The following ZC3H6 variants were observed in gnomAD, a reference collection of about 807,000 sequenced individuals.
The protein encoded by ZC3H6 is zinc finger CCCH domain-containing protein 6.
A neutral mutation model predicts 107.7 loss-of-function variants in ZC3H6; 40 were observed. That is an observed-to-expected ratio of 0.37 (90% confidence interval 0.29 to 0.48). The LOEUF (loss-of-function observed/expected upper bound fraction) is 0.48, where lower values mean the gene tolerates loss of function less well. Ranked by LOEUF, ZC3H6 falls within the 20% of genes least tolerant of loss-of-function variation. The probability of loss-of-function intolerance (pLI) is 0.98; values close to 1 mark genes in which losing one functional copy is unlikely to be tolerated. For synonymous variants in ZC3H6, 493 were observed against 487.9 expected (o/e 1.01, Z -0.14); for missense variants, 1,267 against 1,410.4 (o/e 0.90, Z 1.63).
intron 1 of ZC3H6, among the ~76,000 whole-genome samples, chr2:112,296,700 CGTATCA>C (rs1461159167): frequency 1.1e-4 from 17 of 152,186 alleles, no homozygotes; most frequent in African/African-American, 4.1e-4. Context: ...ACTTTAGGGT[CGTATCA>C]TATGCCTCTT....
chr2:112,292,233 T>C (rs1399606271), intron 1 of ZC3H6, among the ~76,000 whole-genome samples: 1 of 152,206 alleles, frequency 6.6e-6, no homozygotes, highest in Non-Finnish European at 1.5e-5. Flanking sequence ...CCTCCCCTAT[T>C]TTCACCATCC....
chr2:112,332,360 C>A lies in ZC3H6; in HGVS notation c.3442C>A (p.Pro1148Thr), dbSNP rs371740992. 29 of 1,613,758 alleles carry A rather than the reference C, an allele frequency of 1.8e-5. No homozygotes were observed. The highest frequency in any genetic ancestry group is 2.4e-5 in the Non-Finnish European group (28 of 1,179,882). ...TGLIRPQYSD[P>T]RQARQPGQGS... Reference sequence around the variant, plus strand: ...CTTAATTAGGCCACAGTACAGTGATCCAAGGCAGGCAAGGCAGCCAGGACA... The same window carrying A: ...CTTAATTAGGCCACAGTACAGTGATACAAGGCAGGCAAGGCAGCCAGGACA... Residue 1148 changes from proline to threonine, a missense_variant, in exon 12 of 12, where the codon CCA becomes ACA. By Grantham distance (38) the Pro-to-Thr change is conservative (BLOSUM62 -1). Coordinates refer to ENST00000409871, the MANE Select transcript of ZC3H6 (RefSeq NM_198581.3).
chr2:112,326,111 G>A (rs1676902342), intron 11 of ZC3H6, among the ~76,000 whole-genome samples: 1 of 151,904 alleles, frequency 6.6e-6, no homozygotes, highest in Admixed American at 6.6e-5. Flanking sequence ...TATATTTATG[G>A]AGTACATGAG....
At chr2:112,317,185 T>C in intron 6 of ZC3H6, 36 bp from the exon 7 acceptor site, 1 of 1,153,994 alleles carries the variant, frequency 8.7e-7, no homozygotes, top group South Asian at 1.7e-5. Context: ...TTTCTTACCT[T>C]TTTTTCTTTT....
At chr2:112,288,712 G>C (rs1272187725) in intron 1 of ZC3H6, among the ~76,000 whole-genome samples, 2 of 152,196 alleles carry the variant, frequency 1.3e-5, no homozygotes, top group African/African-American at 4.8e-5. Context: ...GAAATCTTTT[G>C]TTGCTGGTTA....
In ZC3H6 at chr2:112,336,282, T is replaced by G. The variant is rs1448102821; in HGVS notation, c.*3794T>G. On this transcript the variant is annotated 3_prime_UTR_variant, in exon 12 of 12. Transcript: ENST00000409871. ...CCCTGATGTTTTTGGAGGGTTGGAC[T>G]GTGTTGAAGGCTGTACCTTGGTGGG... 6.6e-6 allele frequency: 1 copy of G among 152,240 alleles called. No individual in the cohort carries two copies. Among genetic ancestry groups the G allele is most frequent in the Non-Finnish European group, 1.5e-5 (1 of 68,060 alleles). The allele number at this position is 152,240 out of a possible 1,614,324, so 9.4% of individuals were successfully genotyped here.
rs1440437225 is a variant in ZC3H6, at chr2:112,275,961, C to T, written c.-34C>T. 2.0e-6 allele frequency: 3 copies of T among 1,521,678 alleles called. No individual in the cohort carries two copies. Among genetic ancestry groups the T allele is most frequent in the Non-Finnish European group, 2.6e-6 (3 of 1,133,972 alleles). 94.3% of individuals were successfully genotyped at this position (1,521,678 alleles called of 1,614,324 possible). A position where few individuals can be genotyped will look rare whatever the true frequency, so the allele number is the denominator to read the frequency against. The stretch of plus-strand genomic sequence containing the variant: ...CCCCGCCGCCGCCGGCCTCGCAGAC[C>T]TGCCCTCCAGCCCCGCCCCGTTCTT... On this transcript the variant is annotated 5_prime_UTR_variant, in exon 1 of 12. Coordinates refer to ENST00000409871, the MANE Select transcript of ZC3H6 (RefSeq NM_198581.3).
chr2:112,276,346 T>TCCTGCTTCTGC (rs1370979127), intron 1 of ZC3H6, among the ~76,000 whole-genome samples: 2 of 151,106 alleles, frequency 1.3e-5, no homozygotes, highest in East Asian at 3.9e-4. Flanking sequence ...GGTGCTGAGG[T>TCCTGCTTCTGC]CCTGCTTCTG....
chr2:112,289,912 G>A (rs1041880517), intron 1 of ZC3H6, among the ~76,000 whole-genome samples: 34 of 151,964 alleles, frequency 2.2e-4, no homozygotes, highest in Non-Finnish European at 4.6e-4. Context: ...GTTCATTTTT[G>A]TATTTTTTTA....
chr2:112,280,397 T>C (rs1573943267), intron 1 of ZC3H6, among the ~76,000 whole-genome samples: 1 of 152,170 alleles, frequency 6.6e-6, no homozygotes, highest in Admixed American at 6.5e-5. Flanking sequence ...GGAAGACTCT[T>C]TTTTTCCCCC....
At chr2:112,293,196 T>C (rs1005745551) in intron 1 of ZC3H6, among the ~76,000 whole-genome samples, 2 of 152,188 alleles carry the variant, frequency 1.3e-5, no homozygotes, top group African/African-American at 4.8e-5. Context: ...ATGGAGGCCA[T>C]TAGGCTAATT....
rs1407537514 is a variant in ZC3H6, at chr2:112,332,566, ATAGTT to A, written c.*81_*85del. The A allele has an allele frequency of 4.3e-6, 6 of 1,385,100 alleles. No individual in the cohort carries two copies. The East Asian group carries it at 9.3e-5, about 22-fold the overall frequency. The allele number at this position is 1,385,100 out of a possible 1,614,324, so 85.8% of individuals were successfully genotyped here. A position where few individuals can be genotyped will look rare whatever the true frequency, so the allele number is the denominator to read the frequency against. On this transcript the variant is annotated 3_prime_UTR_variant, in exon 12 of 12. Transcript: ENST00000409871. ...GCTGTTTTGTAACTGGTTTACCTCT[ATAGTT>A]TATTTATTTTTAAATTATAAACACT...
At chr2:112,295,464 T>TG (rs970620477) in intron 1 of ZC3H6, among the ~76,000 whole-genome samples, 1 of 152,168 alleles carries the variant, frequency 6.6e-6, no homozygotes, top group Non-Finnish European at 1.5e-5. Context: ...ACTAGGTTAG[T>TG]ATCTGATACA....
chr2:112,309,855 T>C, intron 3 of ZC3H6, 30 bp from the exon 4 acceptor site: 1 of 1,539,920 alleles, frequency 6.5e-7, no homozygotes, highest in Non-Finnish European at 8.8e-7. Flanking sequence ...AATTGAAAAA[T>C]CCTGATAATG....
intron 1 of ZC3H6, among the ~76,000 whole-genome samples, chr2:112,290,886 G>A (rs1676100066): frequency 6.6e-6 from 1 of 152,222 alleles, no homozygotes; most frequent in Non-Finnish European, 1.5e-5. Context: ...ATGTTGCATT[G>A]ATTGTATGGA....
At position 112,331,737 on chromosome 2, in the gene ZC3H6, CAACA is replaced by C; in HGVS notation, c.2824_2827del (p.Asn942GlufsTer5). On this transcript the variant is annotated frameshift_variant, in exon 12 of 12. Transcript: ENST00000409871. LOFTEE classifies it high-confidence loss of function. Reference sequence around the variant, plus strand: ...TTAGCAGCCAAAGCCAAAATTAACACAACAAACAGAGAAGGCTACCTAGAACAAT... The same window carrying C: ...TTAGCAGCCAAAGCCAAAATTAACACAACAGAGAAGGCTACCTAGAACAAT... 1 of 1,613,780 alleles carries C rather than the reference CAACA, an allele frequency of 6.2e-7. No homozygotes were observed. Among genetic ancestry groups the C allele is most frequent in the Non-Finnish European group, 8.5e-7 (1 of 1,179,820 alleles).
intron 4 of ZC3H6, among the ~76,000 whole-genome samples, chr2:112,311,516 G>A (rs77024445): frequency 0.016 from 2,508 of 152,140 alleles, 71 homozygotes; most frequent in African/African-American, 0.057. Flanking sequence ...AAACAGAAAG[G>A]CTTGTTAATG....
chr2:112,310,326 A>C (rs1001529658), intron 4 of ZC3H6, among the ~76,000 whole-genome samples, 165 bp downstream of exon 4: 3 of 152,270 alleles, frequency 2.0e-5, no homozygotes, highest in African/African-American at 7.2e-5. Flanking sequence ...GAATCTACAA[A>C]TATTTCAATC....
rs1175002914 is a variant in ZC3H6 at position 112,339,407 on chromosome 2, TG to T, written c.*6920del. The T allele has an allele frequency of 6.6e-6, 1 of 152,168 alleles. No individual in the cohort carries two copies. The highest frequency in any genetic ancestry group is 2.4e-5 in the African/African-American group (1 of 41,440). The allele number at this position is 152,168 out of a possible 1,614,324, so 9.4% of individuals were successfully genotyped here. A position where few individuals can be genotyped will look rare whatever the true frequency, so the allele number is the denominator to read the frequency against. ...ATCAAAAAAGACTCATTTGTATACT[TG>T]CCAAAGTTTAAAAGTTTTTTACATT... On this transcript the variant is annotated 3_prime_UTR_variant, in exon 12 of 12. Coordinates refer to ENST00000409871, the MANE Select transcript of ZC3H6 (RefSeq NM_198581.3).
Sources: allele counts gnomAD v4.1 joint callset (sites outside exome capture counted in the v4.1 genomes callset), GRCh38; gene constraint gnomAD v4.1.1; transcripts MANE v1.5; gene names NCBI Gene and HGNC (gene_info 2026-07-23, HGNC 2026-07-21).